IFT74: variants seen among roughly 807,000 people sequenced by gnomAD.
IFT74 encodes intraflagellar transport 74.
A neutral mutation model predicts 96.7 loss-of-function variants in IFT74; 92 were observed. That is an observed-to-expected ratio of 0.95 (90% CI 0.80 to 1.13). The LOEUF (loss-of-function observed/expected upper bound fraction) is 1.13, where lower values mean the gene tolerates loss of function less well. Ranked by LOEUF, IFT74 falls within the 50% of genes most tolerant of loss-of-function variation. The probability of loss-of-function intolerance (pLI) is 0.00; values close to 1 mark genes in which losing one functional copy is unlikely to be tolerated. For missense variants in IFT74, 811 were observed against 698.2 expected, an observed-to-expected ratio of 1.16 and a Z score of -1.82; for synonymous variants, 223 against 213.2, an observed-to-expected ratio of 1.05 and a Z score of -0.40.
At chr9:27,055,527 A>G (rs777033269) in intron 16 of IFT74, 82 bp from the exon 17 acceptor site, 6 of 904,516 alleles carry the variant, frequency 6.6e-6, no homozygotes, top group Non-Finnish European at 9.9e-6. Context: ...AAAAAACATG[A>G]TTTTTAATAG....
intron 8 of IFT74, among the ~76,000 whole-genome samples, chr9:27,002,568 C>A (rs74473790): frequency 0.04 from 6,083 of 152,210 alleles, 204 homozygotes; most frequent in South Asian, 0.13. Flanking sequence ...ATTTTATGTT[C>A]TTGGCACCTT....
At chr9:27,022,692 G>C (rs1274226441) in intron 12 of IFT74, among the ~76,000 whole-genome samples, 4 of 151,014 alleles carry the variant, frequency 2.6e-5, no homozygotes, top group Non-Finnish European at 1.5e-5. Flanking sequence ...GCCCAGGCTG[G>C]TGTGTAGTGG....
intron 2 of IFT74, among the ~76,000 whole-genome samples, chr9:26,964,600 G>A (rs1826524228): frequency 6.6e-6 from 1 of 151,922 alleles, no homozygotes; most frequent in South Asian, 2.1e-4. Flanking sequence ...CCGTGAGCAT[G>A]GAATGTTCTT....
intron 13 of IFT74, among the ~76,000 whole-genome samples, chr9:27,030,373 G>A (rs997947183): frequency 9.2e-5 from 14 of 151,772 alleles, no homozygotes; most frequent in African/African-American, 2.9e-4. Flanking sequence ...AATATATAAC[G>A]TCTGCCACTA....
chr9:27,009,017 T>A lies in IFT74; in HGVS notation c.588-3T>A. On this transcript the variant is annotated splice_region_variant and splice_polypyrimidine_tract_variant and intron_variant, in intron 8 of 19. Coordinates refer to ENST00000380062, the MANE Select transcript of IFT74 (RefSeq NM_025103.4). ...CAGGAATATTACGTGCTTCTGATTT[T>A]AGGAAAGAAAAACAAATCAGAAGTG... is the stretch of plus-strand genomic sequence containing the variant. 1 of 1,609,564 alleles carries A rather than the reference T, an allele frequency of 6.2e-7. No homozygotes were observed. The highest frequency in any genetic ancestry group is 8.5e-7 in the Non-Finnish European group (1 of 1,177,200).
chr9:26,987,794 A>G (rs2131548097), intron 6 of IFT74, among the ~76,000 whole-genome samples: 1 of 152,350 alleles, frequency 6.6e-6, no homozygotes, highest in African/African-American at 2.4e-5. Flanking sequence ...GACACTAGGT[A>G]AATATCCTAT....
chr9:27,012,945 C>T (rs890195320), intron 10 of IFT74, among the ~76,000 whole-genome samples: 1 of 151,956 alleles, frequency 6.6e-6, no homozygotes, highest in African/African-American at 2.4e-5. Flanking sequence ...TCTCGATCTC[C>T]TGACCTTGTG....
At chr9:27,015,198 T>C (rs1342450506) in intron 10 of IFT74, among the ~76,000 whole-genome samples, 2 of 152,252 alleles carry the variant, frequency 1.3e-5, no homozygotes, top group Admixed American at 1.3e-4. Flanking sequence ...ATTTCTTCTA[T>C]GTCTTTTTAG....
At chr9:26,991,348 G>A (rs1307712731) in intron 8 of IFT74, among the ~76,000 whole-genome samples, 1 of 152,078 alleles carries the variant, frequency 6.6e-6, no homozygotes, top group African/African-American at 2.4e-5. Context: ...AGCCCTCCAA[G>A]TAGCTGAGAC....
chr9:26,955,499 G>A (rs1319595049), upstream of IFT74, among the ~76,000 whole-genome samples: 1 of 152,144 alleles, frequency 6.6e-6, no homozygotes, highest in South Asian at 2.1e-4. Flanking sequence ...GTCACTTTCA[G>A]TTCCTGTAAG....
In IFT74 at chr9:27,063,983, A is replaced by G. The variant is rs563578714; in HGVS notation, c.*1247A>G. ...TATGCCTCCAAAGGATTCATGGTCA[A>G]AGAAGTTTGGGAAACGTTGTCTGAA... On this transcript the variant is annotated 3_prime_UTR_variant, in exon 20 of 20. Transcript: ENST00000380062. 2.6e-5 allele frequency among the ~76,000 whole-genome samples: 4 copies of G among 152,198 alleles called. No individual in the cohort carries two copies. In the East Asian group the frequency reaches 5.8e-4, roughly 22 times the overall value.
chr9:27,063,672 T>G lies in IFT74; in HGVS notation c.*936T>G, dbSNP rs1222517057. Among the ~76,000 whole-genome samples the G allele has an allele frequency of 6.6e-6, 1 of 152,168 alleles. No homozygotes were observed. Among genetic ancestry groups the G allele is most frequent in the Non-Finnish European group, 1.5e-5 (1 of 67,982 alleles). ...CATGTTCACTAAGTAACTCTACTTT[T>G]CAGTATTTCTGAAACAACACATTGA... On this transcript the variant is annotated 3_prime_UTR_variant, in exon 20 of 20. Coordinates refer to ENST00000380062, the MANE Select transcript of IFT74 (RefSeq NM_025103.4).
intron 1 of IFT74, among the ~76,000 whole-genome samples, chr9:26,961,425 T>G (rs1387248909): frequency 6.6e-6 from 1 of 152,050 alleles, no homozygotes; most frequent in Non-Finnish European, 1.5e-5. Context: ...GAAGAATGTT[T>G]TGAAAGTGAC....
chr9:26,987,319 T>C (rs888498523), intron 6 of IFT74, among the ~76,000 whole-genome samples: 2 of 152,086 alleles, frequency 1.3e-5, no homozygotes, highest in Non-Finnish European at 1.5e-5. Flanking sequence ...CTCAAACTCC[T>C]GACCTCGTGA....
At chr9:27,000,798 C>A (rs964639559) in intron 8 of IFT74, among the ~76,000 whole-genome samples, 3 of 152,096 alleles carry the variant, frequency 2.0e-5, no homozygotes, top group African/African-American at 4.8e-5. Flanking sequence ...ATGTAACAAA[C>A]CTGCATAACC....
At position 27,018,377 on chromosome 9, in the gene IFT74, C is replaced by A. The variant is rs62542671; in HGVS notation, c.934-270C>A. Among the ~76,000 whole-genome samples the A allele has an allele frequency of 0.038, 5,792 of 152,206 alleles. 151 individuals carry two copies. Among genetic ancestry groups the A allele is most frequent in the Middle Eastern group, 0.071 (21 of 294 alleles). On this transcript the variant is annotated intron_variant, in intron 11 of 19. Transcript: ENST00000380062. ...AGATGTTTATATCAACTTATCCAGG[C>A]CTGAAGATGAGCTATCCTCATGGTG...
intron 2 of IFT74, among the ~76,000 whole-genome samples, chr9:26,965,071 T>C (rs900314914): frequency 2.0e-5 from 3 of 152,178 alleles, no homozygotes; most frequent in Admixed American, 1.3e-4. Flanking sequence ...AATAATGATA[T>C]GTATATCCCT....
chr9:26,957,100 T>C (rs1826143005), intron 1 of IFT74, among the ~76,000 whole-genome samples: 1 of 152,246 alleles, frequency 6.6e-6, no homozygotes, highest in Non-Finnish European at 1.5e-5. Flanking sequence ...CTAATCATTC[T>C]GGATCCAAAG....
intron 1 of IFT74, among the ~76,000 whole-genome samples, chr9:26,950,715 C>T (rs1400665958): frequency 6.6e-6 from 1 of 152,174 alleles, no homozygotes; most frequent in African/African-American, 2.4e-5. Flanking sequence ...TTTGGTGCTG[C>T]CCAATTCATG....
Sources: gnomAD v4.1 joint callset for allele counts (sites outside exome capture counted in the v4.1 genomes callset) on GRCh38, gnomAD v4.1.1 for gene constraint, MANE v1.5 for transcripts, NCBI Gene and HGNC (gene_info 2026-07-23, HGNC 2026-07-21) for gene names.